Variants in STEEP1 observed in about 807,000 individuals in gnomAD.
STEEP1 encodes the protein STING1 ER exit protein 1.
In STEEP1, 3 loss-of-function variants were observed where a neutral mutation model predicts 19.2. The ratio of observed to expected loss-of-function variants is 0.16; its 90% confidence interval spans 0.07 to 0.40. The LOEUF (loss-of-function observed/expected upper bound fraction) is 0.40, where lower values mean the gene tolerates loss of function less well. Ranked by LOEUF, STEEP1 falls within the 10% of genes least tolerant of loss-of-function variation. The pLI is 0.99. For missense variants in STEEP1, 54 were observed against 177.1 expected (o/e 0.30, Z 3.94); for synonymous variants, 46 against 63.7 (o/e 0.72, Z 1.32).
At chrX:119,557,456 G>T (rs76361305) in intron 2 of STEEP1, among the ~76,000 whole-genome samples, 1,544 of 83,082 alleles carry the variant, frequency 0.019, 45 homozygotes, top group African/African-American at 0.075. Flanking sequence ...AAACTAGCCA[G>T]GCATGGTAGC....
chrX:119,561,759 A>T (rs964725024), intron 1 of STEEP1, among the ~76,000 whole-genome samples: 1 of 112,422 alleles, frequency 8.9e-6, no homozygotes, highest in Non-Finnish European at 1.9e-5. Flanking sequence ...TGGTCAGAGT[A>T]ATTCAAGATG....
chrX:119,554,922 C>T (rs2053268288), intron 2 of STEEP1, among the ~76,000 whole-genome samples: 1 of 109,986 alleles, frequency 9.1e-6, no homozygotes, highest in African/African-American at 3.3e-5. Context: ...GCCTGGGCAA[C>T]ATAGGAAGAC....
chrX:119,545,568 C>T, intron 2 of STEEP1, 64 bp from the exon 3 acceptor site: 1 of 810,989 alleles, frequency 1.2e-6, no homozygotes, highest in Non-Finnish European at 1.8e-6. Flanking sequence ...CCTTACTATC[C>T]CATTTCTTCA....
At chrX:119,552,040 C>T (rs959813224) in intron 2 of STEEP1, among the ~76,000 whole-genome samples, 2 of 109,546 alleles carry the variant, frequency 1.8e-5, no homozygotes, top group Non-Finnish European at 3.8e-5. Context: ...ACTACAGGTG[C>T]GCACCACCAC....
chrX:119,551,588 G>A (rs942725123), intron 2 of STEEP1, among the ~76,000 whole-genome samples: 9 of 111,283 alleles, frequency 8.1e-5, no homozygotes, highest in South Asian at 7.6e-4. Context: ...ACGAGGAAGC[G>A]GGCAGGCAGG....
intron 2 of STEEP1, among the ~76,000 whole-genome samples, chrX:119,547,563 A>G (rs181398001): frequency 1.8e-5 from 2 of 111,948 alleles, no homozygotes; most frequent in East Asian, 5.6e-4. Flanking sequence ...TTTGTTTTGA[A>G]CTGTTAGTTC....
At chrX:119,551,454 T>C in intron 2 of STEEP1, among the ~76,000 whole-genome samples, 1 of 100,671 alleles carries the variant, frequency 9.9e-6, no homozygotes, top group African/African-American at 3.7e-5. Flanking sequence ...CATTCCAGCC[T>C]GGGCAACAAG....
rs1413675637 is a variant in STEEP1, at chrX:119,560,361, A to G, written c.149T>C (p.Met50Thr). 1.7e-6 allele frequency: 2 copies of G among 1,205,092 alleles called. No homozygotes were observed. Among genetic ancestry groups the G allele is most frequent in the African/African-American group, 1.7e-5 (1 of 57,199 alleles). Residue 50 changes from methionine (M) to threonine (T), a missense_variant, in exon 2 of 7, where the codon ATG (methionine) becomes ACG (threonine). Transcript: ENST00000644802. ...CACACGGGACCGGTCCCGGGGCCTC[A>G]TGGGCAATTTCTCTAACTGGCAGTC... ...VLDCQLEKLPMRPRDRSRVID... is the reference protein window; with the variant it reads ...VLDCQLEKLPTRPRDRSRVID...
Position 119,545,444 on chromosome X carries a change from C to A in STEEP1, c.284+19G>T. ...TCTACTTGCCTATGCTTGGAGAAACCCACATTGTTAATACTTACTTTGCAC... is the reference window on the plus strand; with the variant it reads ...TCTACTTGCCTATGCTTGGAGAAACACACATTGTTAATACTTACTTTGCAC... On this transcript the variant is annotated intron_variant, in intron 3 of 6. Coordinates refer to ENST00000644802, the MANE Select transcript of STEEP1 (RefSeq NM_022101.4). 3.5e-6 allele frequency: 4 copies of A among 1,129,066 alleles called. No homozygotes were observed. The highest frequency in any genetic ancestry group is 4.9e-6 in the Non-Finnish European group (4 of 821,784). The allele number at this position is 1,129,066 out of a possible 1,213,427, so 93.0% of individuals were successfully genotyped here.
chrX:119,552,698 TCCA>T (rs1172604025), intron 2 of STEEP1, among the ~76,000 whole-genome samples: 4 of 112,408 alleles, frequency 3.6e-5, no homozygotes, highest in Non-Finnish European at 7.5e-5. Flanking sequence ...ATTATCTAAA[TCCA>T]GCAAGGCCTG....
intron 2 of STEEP1, among the ~76,000 whole-genome samples, chrX:119,558,198 C>T (rs1281072701): frequency 1.8e-5 from 2 of 111,483 alleles, no homozygotes; most frequent in East Asian, 5.7e-4. Flanking sequence ...CGTGAGCCAC[C>T]ACACCCAGGC....
At chrX:119,563,729 T>C (rs1016872576) in intron 1 of STEEP1, among the ~76,000 whole-genome samples, 1 of 110,002 alleles carries the variant, frequency 9.1e-6, no homozygotes, top group Non-Finnish European at 1.9e-5. Context: ...GAAAAAGGAA[T>C]GGAGGTGGTA....
At chrX:119,553,755 C>G (rs73637854) in intron 2 of STEEP1, among the ~76,000 whole-genome samples, 1,983 of 111,694 alleles carry the variant, frequency 0.018, 47 homozygotes, top group African/African-American at 0.062. Context: ...ATCCTGAAGT[C>G]GGCCAATCCC....
Position 119,538,398 on chromosome X carries a change from G to T in STEEP1, c.*1329C>A, listed in dbSNP as rs1375249460. On this transcript the variant is annotated 3_prime_UTR_variant, in exon 7 of 7. Transcript: ENST00000644802. ...AGCAGTATCAGCTGCCCGACTAGAG[G>T]GTAGCTCCCTCCCTTGGGTTACTTT... The T allele has an allele frequency of 9.2e-6, 1 of 108,510 alleles. No homozygotes were observed. The highest frequency in any genetic ancestry group is 1.9e-5 in the Non-Finnish European group (1 of 52,351). 8.9% of individuals were successfully genotyped at this position (108,510 alleles called of 1,213,427 possible). A position where few individuals can be genotyped will look rare whatever the true frequency, so the allele number is the denominator to read the frequency against.
At chrX:119,565,056 A>G (rs201252016) in intron 1 of STEEP1, 176 bp downstream of exon 1, 4 of 34,184 alleles carry the variant, frequency 1.2e-4, no homozygotes, top group East Asian at 1.2e-3. Context: ...AAAAAGCAGG[A>G]AAAAAAAAAA....
intron 2 of STEEP1, among the ~76,000 whole-genome samples, chrX:119,549,337 CAT>C (rs2053229091): frequency 9.0e-6 from 1 of 111,703 alleles, no homozygotes; most frequent in Non-Finnish European, 1.9e-5. Context: ...ATCCCTTAAA[CAT>C]ATACAATTTT....
At position 119,538,858 on chromosome X, in the gene STEEP1, G is replaced by A. The variant is rs1346941138; in HGVS notation, c.*869C>T. On this transcript the variant is annotated 3_prime_UTR_variant, in exon 7 of 7. Coordinates refer to ENST00000644802, the MANE Select transcript of STEEP1 (RefSeq NM_022101.4). Reference sequence around the variant, plus strand: ...ACGGGATGGCTCGCCTACAGCTTCAGTGTTTGAAGTAAAGAAAGCTTTATG... The same window carrying A: ...ACGGGATGGCTCGCCTACAGCTTCAATGTTTGAAGTAAAGAAAGCTTTATG... 8.9e-6 allele frequency: 1 copy of A among 111,765 alleles called. No individual in the cohort carries two copies. Among genetic ancestry groups the A allele is most frequent in the African/African-American group, 3.3e-5 (1 of 30,750 alleles). The allele number at this position is 111,765 out of a possible 1,213,427, so 9.2% of individuals were successfully genotyped here.
At chrX:119,557,312 T>A (rs1182950686) in intron 2 of STEEP1, among the ~76,000 whole-genome samples, 2 of 108,123 alleles carry the variant, frequency 1.8e-5, no homozygotes, top group African/African-American at 6.7e-5. Flanking sequence ...AAAATTCACA[T>A]TCTGGCCGGG....
At chrX:119,554,028 G>A (rs1316211224) in intron 2 of STEEP1, among the ~76,000 whole-genome samples, 1 of 112,283 alleles carries the variant, frequency 8.9e-6, no homozygotes. Flanking sequence ...ATTTCAAGTG[G>A]TATGACTTAA....
Sources: gnomAD v4.1 joint callset for allele counts (sites outside exome capture counted in the v4.1 genomes callset) on GRCh38, gnomAD v4.1.1 for gene constraint, MANE v1.5 for transcripts, NCBI Gene and HGNC (gene_info 2026-07-23, HGNC 2026-07-21) for gene names.